Variants in SLC6A16 observed in about 807,000 individuals in gnomAD.
SLC6A16 encodes the protein solute carrier family 6 member 16.
A neutral mutation model predicts 65.4 loss-of-function variants in SLC6A16; 54 were observed. The observed-to-expected ratio is 0.83, with a 90% CI of 0.66 to 1.04. The LOEUF is 1.04. Ranked by LOEUF, SLC6A16 falls within the 50% of genes least tolerant of loss-of-function variation. SLC6A16 has a pLI of 0.00. For synonymous variants in SLC6A16, 330 were observed against 346.5 expected (o/e 0.95, Z 0.53); for missense variants, 816 against 914.0 (o/e 0.89, Z 1.38).
intron 7 of SLC6A16, among the ~76,000 whole-genome samples, chr19:49,296,543 G>A (rs937446564): frequency 2.0e-5 from 3 of 152,132 alleles, no homozygotes; most frequent in Admixed American, 1.3e-4. Context: ...ATAAGAAAAG[G>A]ATAGTCTTAT....
chr19:49,295,720 G>A (rs1970172936), intron 7 of SLC6A16, among the ~76,000 whole-genome samples: 1 of 152,130 alleles, frequency 6.6e-6, no homozygotes, highest in Admixed American at 6.5e-5. Flanking sequence ...CAACAAACTG[G>A]ACCTGCAGTT....
At chr19:49,313,625 CAA>C (rs902187308) in intron 1 of SLC6A16, among the ~76,000 whole-genome samples, 15 of 47,382 alleles carry the variant, frequency 3.2e-4, no homozygotes, top group Non-Finnish European at 3.0e-4. Flanking sequence ...ACTAAAAATG[CAA>C]AAAAAAAAAA....
intron 1 of SLC6A16, among the ~76,000 whole-genome samples, chr19:49,321,478 G>T (rs1203667667): frequency 6.6e-6 from 1 of 151,998 alleles, no homozygotes; most frequent in Non-Finnish European, 1.5e-5. Context: ...GCTCACATCT[G>T]TAATCCCAGC....
intron 7 of SLC6A16, among the ~76,000 whole-genome samples, chr19:49,302,419 CTG>C (rs1167004655): frequency 6.6e-6 from 1 of 152,186 alleles, no homozygotes; most frequent in African/African-American, 2.4e-5. Flanking sequence ...TAACAAGACT[CTG>C]TGTCCCTCCA....
intron 1 of SLC6A16, among the ~76,000 whole-genome samples, chr19:49,318,438 G>A (rs1455295686): frequency 1.3e-5 from 2 of 151,818 alleles, no homozygotes; most frequent in Non-Finnish European, 2.9e-5. Context: ...CACAACAAAG[G>A]CCAACATTCC....
At chr19:49,324,878 A>G (rs1970773670) in intron 1 of SLC6A16, among the ~76,000 whole-genome samples, 170 bp downstream of exon 1, 1 of 151,768 alleles carries the variant, frequency 6.6e-6, no homozygotes, top group South Asian at 2.1e-4. Flanking sequence ...TAAAGGAGGG[A>G]CCCCTTTGAT....
At chr19:49,311,948 CTT>C (rs576514117) in intron 1 of SLC6A16, among the ~76,000 whole-genome samples, 2 of 142,686 alleles carry the variant, frequency 1.4e-5, no homozygotes. Context: ...CAAAGGATTT[CTT>C]TTTTTTTTTT....
chr19:49,316,660 C>T lies in SLC6A16; in HGVS notation c.-64-5249G>A, dbSNP rs754149272. On this transcript the variant is annotated intron_variant, in intron 1 of 11. Transcript: ENST00000335875. Reference sequence around the variant, plus strand: ...TTAACCAACCAGGGATCTTTTCCAACCCAGAGGCCACAATGAGGAGAAATT... The same window carrying T: ...TTAACCAACCAGGGATCTTTTCCAATCCAGAGGCCACAATGAGGAGAAATT... Among the ~76,000 whole-genome samples, 8 of 151,928 alleles carry T rather than the reference C, an allele frequency of 5.3e-5. 1 individual carries two copies.
rs376841379 is a variant in SLC6A16, at chr19:49,311,324, C to A, written c.24G>T (p.Ser8=). The change falls in exon 2 of 12, where the codon TCG becomes TCT. Residue 8 remains serine, a synonymous_variant. Coordinates refer to ENST00000335875, the MANE Select transcript of SLC6A16 (RefSeq NM_014037.3). The part of the protein sequence containing the change: MKTEAQP[S]TSLLANTSWT... ...ATGAGGTGTTTGCCAGCAAGGATGT[C>A]GAAGGCTGGGCCTCTGTCTTCATCT... 2.6e-5 allele frequency: 42 copies of A among 1,592,622 alleles called. No individual in the cohort carries two copies. Among genetic ancestry groups the A allele is most frequent in the Non-Finnish European group, 3.6e-5 (42 of 1,169,900 alleles).
At position 49,310,117 on chromosome 19, in the gene SLC6A16, A is replaced by T. The variant is rs1262242476; in HGVS notation, c.623T>A (p.Ile208Asn). ...LYFNVVNSWIIFYMSQSFQFP... is the reference protein window; with the variant it reads ...LYFNVVNSWINFYMSQSFQFP... The stretch of plus-strand genomic sequence containing the variant: ...CTGGAAGGACTGGCTCATGTAGAAG[A>T]TGATCCAGGAATTGACCACATTGAA... Residue 208 changes from isoleucine to asparagine, a missense_variant, in exon 4 of 12, where the codon ATC (isoleucine) becomes AAC (asparagine). Coordinates refer to ENST00000335875, the MANE Select transcript of SLC6A16 (RefSeq NM_014037.3). 1.2e-6 allele frequency: 2 copies of T among 1,614,086 alleles called. No homozygotes were observed. The highest frequency in any genetic ancestry group is 1.7e-6 in the Non-Finnish European group (2 of 1,180,008).
At chr19:49,312,639 G>C in intron 1 of SLC6A16, 10 of 883,956 alleles carry the variant, frequency 1.1e-5, no homozygotes, top group Non-Finnish European at 1.4e-5. Context: ...ATGAAAGAGA[G>C]GAAGAGAGAG....
chr19:49,298,950 T>A (rs543369280), intron 7 of SLC6A16, among the ~76,000 whole-genome samples: 1 of 152,090 alleles, frequency 6.6e-6, no homozygotes, highest in Non-Finnish European at 1.5e-5. Context: ...TGAATTAACA[T>A]AGGAATAGAA....
intron 1 of SLC6A16, among the ~76,000 whole-genome samples, chr19:49,314,070 T>C (rs1026959012): frequency 6.8e-6 from 1 of 147,596 alleles, no homozygotes; most frequent in African/African-American, 2.5e-5. Flanking sequence ...CACTCCAGCC[T>C]GGGCAACAGA....
Position 49,308,950 on chromosome 19 carries a change from C to A in SLC6A16, c.1155G>T (p.Leu385Phe). The change falls in exon 7 of 12, where the codon TTG (leucine) becomes TTT (phenylalanine). Residue 385 changes from leucine to phenylalanine, a missense_variant. Transcript: ENST00000335875. Reference sequence around the variant, plus strand: ...AGAAGTTGAAAGATGTGAAAACCAACAAAGTGAGCAGGTTTATCACAGACA... The same window carrying A: ...AGAAGTTGAAAGATGTGAAAACCAAAAAAGTGAGCAGGTTTATCACAGACA... ...FLVSVINLLT[L>F]LVFTSFNFCV... 6.2e-7 allele frequency: 1 copy of A among 1,614,160 alleles called. No individual in the cohort carries two copies. The highest frequency in any genetic ancestry group is 8.5e-7 in the Non-Finnish European group (1 of 1,180,046).
At chr19:49,335,534 G>A in the SLC6A16 span, 15 of 1,612,080 alleles carry the variant, frequency 9.3e-6, no homozygotes, top group Non-Finnish European at 1.3e-5. This position sits in a 1 kb window ranked among gnomAD's most constrained non-coding sequence, Gnocchi z 4.6. Flanking sequence ...TACCCCACTA[G>A]GTGAAGATGT....
At chr19:49,306,358 G>A (rs1970386205) in intron 7 of SLC6A16, among the ~76,000 whole-genome samples, 1 of 151,734 alleles carries the variant, frequency 6.6e-6, no homozygotes, top group African/African-American at 2.4e-5. Context: ...GATAAATATT[G>A]CAAACATGTT....
chr19:49,323,376 G>A (rs1669166496), intron 1 of SLC6A16, among the ~76,000 whole-genome samples: 1 of 152,136 alleles, frequency 6.6e-6, no homozygotes, highest in African/African-American at 2.4e-5. Context: ...TCATTAAAAT[G>A]TTTTAAATTT....
the SLC6A16 span, chr19:49,339,833 A>G: frequency 7.5e-7 from 1 of 1,335,070 alleles, no homozygotes; most frequent in Non-Finnish European, 9.6e-7. This position sits in a 1 kb window ranked among gnomAD's most constrained non-coding sequence, Gnocchi z 4.5. Context: ...GCCTGCCCCA[A>G]CTGGGGAGAC....
the SLC6A16 span, chr19:49,337,522 C>T: frequency 3.8e-6 from 3 of 783,260 alleles, no homozygotes; most frequent in South Asian, 1.8e-5. Context: ...CTTGGGAGGT[C>T]GAGGTGGGAG....
Sources: allele counts gnomAD v4.1 joint callset (sites outside exome capture counted in the v4.1 genomes callset), GRCh38; gene constraint gnomAD v4.1.1; non-coding constraint Gnocchi (gnomAD v3.1); transcripts MANE v1.5; gene names NCBI Gene and HGNC (gene_info 2026-07-23, HGNC 2026-07-21).